HADHB: variants seen among roughly 807,000 people sequenced by gnomAD.
HADHB encodes the protein trifunctional enzyme subunit beta, mitochondrial.
HADHB carries 50 observed loss-of-function variants against 61.9 expected under a neutral mutation model. The observed-to-expected ratio is 0.81, with a 90% CI of 0.64 to 1.02. The LOEUF (loss-of-function observed/expected upper bound fraction) is 1.02, where lower values mean the gene tolerates loss of function less well. Among genes scored for constraint, HADHB ranks in the 50% least tolerant of loss-of-function variants. The pLI is 0.00. For synonymous variants in HADHB, 191 were observed against 201.6 expected, an observed-to-expected ratio of 0.95 and a Z score of 0.45; for missense variants, 504 against 586.5, an observed-to-expected ratio of 0.86 and a Z score of 1.45.
At chr2:26,271,862 T>A (rs1376411831) in intron 5 of HADHB, among the ~76,000 whole-genome samples, 4 of 152,144 alleles carry the variant, frequency 2.6e-5, no homozygotes, top group Non-Finnish European at 5.9e-5. Flanking sequence ...ATTCCACTAC[T>A]AGACTCCAGG....
intron 1 of HADHB, among the ~76,000 whole-genome samples, chr2:26,250,790 C>T (rs1186850529): frequency 6.6e-6 from 1 of 151,792 alleles, no homozygotes; most frequent in Non-Finnish European, 1.5e-5. Context: ...CACTGCACTA[C>T]AGCTTGGGCA....
At chr2:26,284,252 T>C in intron 13 of HADHB, 48 bp downstream of exon 13, 1 of 1,008,726 alleles carries the variant, frequency 9.9e-7, no homozygotes, top group South Asian at 1.3e-5. Flanking sequence ...TCATAAAAAA[T>C]GTCATCCATA....
chr2:26,262,202 A>G (rs2147808871), intron 3 of HADHB, among the ~76,000 whole-genome samples: 1 of 152,316 alleles, frequency 6.6e-6, no homozygotes, highest in African/African-American at 2.4e-5. Flanking sequence ...GTCGTTGTTG[A>G]CATTGTATTC....
chr2:26,251,545 T>C (rs1293442216), intron 1 of HADHB, among the ~76,000 whole-genome samples: 1 of 152,190 alleles, frequency 6.6e-6, no homozygotes, highest in African/African-American at 2.4e-5. Flanking sequence ...CAACATTTTC[T>C]TGACAATTTT....
At chr2:26,261,277 A>C (rs1244851781) in intron 3 of HADHB, 2 of 481,008 alleles carry the variant, frequency 4.2e-6, no homozygotes, top group Non-Finnish European at 7.4e-6. Flanking sequence ...TAGGAAATTT[A>C]AAAATAAAAG....
chr2:26,273,828 AC>A (rs1363668497), intron 6 of HADHB, 78 bp downstream of exon 6: 1 of 800,330 alleles, frequency 1.2e-6, no homozygotes, highest in African/African-American at 1.7e-5. Context: ...AAGTTACTTT[AC>A]AAAAGCCTTT....
In HADHB at chr2:26,277,284, C is replaced by G. The variant is rs150773231; in HGVS notation, c.442+124C>G. On this transcript the variant is annotated intron_variant, in intron 7 of 15. Coordinates refer to ENST00000317799, the MANE Select transcript of HADHB (RefSeq NM_000183.3). ...ACAGAACCTCACTCTGTCACTCAGG[C>G]TGGAGTGCAGTGGTACCATCATAGC... 1.2e-3 allele frequency: 715 copies of G among 589,426 alleles called. 4 individuals carry two copies. The highest frequency in any genetic ancestry group is 8.6e-3 in the African/African-American group (425 of 49,598). 36.5% of individuals were successfully genotyped at this position (589,426 alleles called of 1,614,324 possible). A position where few individuals can be genotyped will look rare whatever the true frequency, so the allele number is the denominator to read the frequency against.
chr2:26,264,573 A>AAAAAAG (rs1553319804), intron 4 of HADHB, among the ~76,000 whole-genome samples: 1 of 147,368 alleles, frequency 6.8e-6, no homozygotes, highest in Admixed American at 7.1e-5. Flanking sequence ...AAAAAAAAAA[A>AAAAAAG]GCAAGGTGCA....
chr2:26,252,400 T>A lies in HADHB; in HGVS notation c.-8-1847T>A, dbSNP rs78170387. Reference sequence around the variant, plus strand: ...ATTTTTTGTTGTTGTTGTTAAAACATGCTTCAAAATTAAGAAATTATAAAA... The same window carrying A: ...ATTTTTTGTTGTTGTTGTTAAAACAAGCTTCAAAATTAAGAAATTATAAAA... On this transcript the variant is annotated intron_variant, in intron 1 of 15. Transcript: ENST00000317799. Among the ~76,000 whole-genome samples, 596 of 152,324 alleles carry A rather than the reference T, an allele frequency of 3.9e-3. 4 individuals are homozygous for A. The highest frequency in any genetic ancestry group is 0.013 in the African/African-American group (553 of 41,566).
chr2:26,284,526 G>A (rs1030864934), intron 13 of HADHB, among the ~76,000 whole-genome samples: 17 of 150,420 alleles, frequency 1.1e-4, no homozygotes, highest in African/African-American at 4.9e-5. Flanking sequence ...GTAGTGGCAC[G>A]ATCTCGGCTC....
intron 3 of HADHB, among the ~76,000 whole-genome samples, chr2:26,257,408 C>G (rs970528180): frequency 6.6e-6 from 1 of 151,148 alleles, no homozygotes; most frequent in East Asian, 2.0e-4. Context: ...GCATGAGCCA[C>G]CACACCCGGC....
At position 26,278,606 on chromosome 2, in the gene HADHB, C is replaced by A; in HGVS notation, c.443-8C>A. 1 of 1,610,522 alleles carries A rather than the reference C, an allele frequency of 6.2e-7. No homozygotes were observed. The highest frequency in any genetic ancestry group is 8.5e-7 in the Non-Finnish European group (1 of 1,176,754). ...AGATATTCATGAAGTATAACCTGTG[C>A]CCTGTAGGTGTTGGCTTGATTGCTT... On this transcript the variant is annotated splice_region_variant and splice_polypyrimidine_tract_variant and intron_variant, in intron 7 of 15. Transcript: ENST00000317799.
chr2:26,248,926 A>G (rs887430042), intron 1 of HADHB, among the ~76,000 whole-genome samples: 2 of 151,886 alleles, frequency 1.3e-5, no homozygotes, highest in African/African-American at 4.8e-5. Flanking sequence ...GCGTGGTGGC[A>G]CGTGCCTGGA....
chr2:26,279,928 T>A (rs1347699978), intron 9 of HADHB, 66 bp from the exon 10 acceptor site: 21 of 1,212,698 alleles, frequency 1.7e-5, no homozygotes, highest in African/African-American at 4.5e-5. Flanking sequence ...TTAAAGCATA[T>A]TTCTGTGGAG....
Position 26,282,892 on chromosome 2 carries a change from G to A in HADHB, c.981G>A (p.Leu327=). Residue 327 remains leucine (L), a synonymous_variant, in exon 11 of 16, where the codon CTG becomes CTA. Coordinates refer to ENST00000317799, the MANE Select transcript of HADHB (RefSeq NM_000183.3). ...AMLIMAEEKA[L]AMGYKPKAYL... is the part of the protein sequence containing the mutation. ...TAATCATGGCGGAGGAAAAGGCTCT[G>A]GCCATGGGTTATAAGCCGAAGGCAT... is the stretch of plus-strand genomic sequence containing the variant. The A allele has an allele frequency of 6.2e-7, 1 of 1,612,812 alleles. No homozygotes were observed. Among genetic ancestry groups the A allele is most frequent in the Non-Finnish European group, 8.5e-7 (1 of 1,178,874 alleles).
intron 15 of HADHB, among the ~76,000 whole-genome samples, chr2:26,288,014 C>T (rs186297160): frequency 5.8e-4 from 89 of 152,172 alleles, no homozygotes; most frequent in African/African-American, 2.0e-3. Flanking sequence ...TGCCTGTGAT[C>T]GCAGCATTTT....
chr2:26,250,578 A>G (rs375901431), intron 1 of HADHB, among the ~76,000 whole-genome samples: 1 of 151,938 alleles, frequency 6.6e-6, no homozygotes, highest in Admixed American at 6.6e-5. Flanking sequence ...TCATGCTTGT[A>G]ATCCCAGCAT....
chr2:26,245,639 T>C (rs1263819858), intron 1 of HADHB, among the ~76,000 whole-genome samples: 4 of 152,076 alleles, frequency 2.6e-5, no homozygotes, highest in African/African-American at 9.7e-5. Flanking sequence ...CATGGCCATA[T>C]GTAGTAGAAA....
intron 5 of HADHB, among the ~76,000 whole-genome samples, chr2:26,271,371 G>T (rs1667394393): frequency 6.6e-6 from 1 of 152,054 alleles, no homozygotes; most frequent in Admixed American, 6.5e-5. Context: ...GCTGGGCGTA[G>T]TAGCACATGC....
Sources: allele counts gnomAD v4.1 joint callset (sites outside exome capture counted in the v4.1 genomes callset), GRCh38; gene constraint gnomAD v4.1.1; transcripts MANE v1.5; gene names NCBI Gene and HGNC (gene_info 2026-07-23, HGNC 2026-07-21).